The following TRPM3 variants were observed in gnomAD, a reference collection of about 807,000 sequenced individuals.
The protein encoded by TRPM3 is long transient receptor potential channel 3.
A neutral mutation model predicts 181.2 loss-of-function variants in TRPM3; 77 were observed. The ratio of observed to expected loss-of-function variants is 0.42; its 90% CI spans 0.35 to 0.51. TRPM3 has a LOEUF of 0.51. TRPM3 is among the 20% of genes least tolerant of loss of function. The pLI, the probability that TRPM3 is intolerant of heterozygous loss-of-function variation, is 0.01. For synonymous variants in TRPM3, 745 were observed against 796.4 expected (o/e 0.94, Z 1.09); for missense variants, 1,759 against 2,196.7 (o/e 0.80, Z 3.98).
intron 9 of TRPM3, among the ~76,000 whole-genome samples, chr9:70,668,249 C>T (rs1388341660): frequency 6.6e-6 from 1 of 152,122 alleles, no homozygotes; most frequent in Admixed American, 6.5e-5. Flanking sequence ...TAGCATGTGA[C>T]CTTGGCCAAG....
At chr9:70,951,533 G>A (rs1246040100) in intron 1 of TRPM3, among the ~76,000 whole-genome samples, 2 of 152,030 alleles carry the variant, frequency 1.3e-5, no homozygotes, top group East Asian at 1.9e-4. Flanking sequence ...GTAGAGACGC[G>A]GTTTCATCAT....
chr9:70,625,420 A>G lies in TRPM3; in HGVS notation c.1668+62T>C, dbSNP rs2064390007. ...ACTTCACGTATTCTGTAACTAGAGT[A>G]AAAAAAAAATAATGAAAAAAGAAAC... On this transcript the variant is annotated intron_variant, in intron 13 of 25. Coordinates refer to ENST00000677713, the MANE Select transcript of TRPM3 (RefSeq NM_001366145.2). This position sits in a 1 kb window ranked among gnomAD's most constrained non-coding sequence, Gnocchi z 4.8. 3 of 1,099,536 alleles carry G rather than the reference A, an allele frequency of 2.7e-6. No individual in the cohort carries two copies. The highest frequency in any genetic ancestry group is 3.7e-6 in the Non-Finnish European group (3 of 812,146). The allele number at this position is 1,099,536 out of a possible 1,614,324, so 68.1% of individuals were successfully genotyped here. A position where few individuals can be genotyped will look rare whatever the true frequency, so the allele number is the denominator to read the frequency against.
At chr9:70,755,771 G>A (rs1009503615) in intron 8 of TRPM3, among the ~76,000 whole-genome samples, 3 of 152,124 alleles carry the variant, frequency 2.0e-5, no homozygotes, top group African/African-American at 7.2e-5. Context: ...ACAAGCAAAT[G>A]CTGGGAGATT....
intron 1 of TRPM3, among the ~76,000 whole-genome samples, chr9:70,939,269 T>A (rs1195010390): frequency 1.3e-5 from 2 of 152,262 alleles, no homozygotes; most frequent in African/African-American, 4.8e-5. Flanking sequence ...ATTGTCTTTA[T>A]TTATGACAGA....
At chr9:70,846,724 G>T in intron 3 of TRPM3, 133 bp from the exon 4 acceptor site, 2 of 672,496 alleles carry the variant, frequency 3.0e-6, no homozygotes, top group Admixed American at 2.9e-5. Flanking sequence ...TTTTAAAAGG[G>T]GTGATCATTT....
intron 1 of TRPM3, among the ~76,000 whole-genome samples, chr9:70,961,318 C>T (rs1237764032): frequency 6.6e-6 from 1 of 152,092 alleles, no homozygotes; most frequent in Non-Finnish European, 1.5e-5. Context: ...TTGATTTTAA[C>T]CTGTACAACC....
At chr9:70,637,460 C>G (rs559477259) in intron 11 of TRPM3, among the ~76,000 whole-genome samples, 57 of 152,038 alleles carry the variant, frequency 3.7e-4, no homozygotes, top group African/African-American at 1.3e-3. Flanking sequence ...TACCCACCCC[C>G]ACTCCCCAGT....
intron 19 of TRPM3, among the ~76,000 whole-genome samples, chr9:70,607,005 C>A (rs2061278949): frequency 6.6e-6 from 1 of 152,084 alleles, no homozygotes; most frequent in African/African-American, 2.4e-5. Context: ...AGAGCACACA[C>A]TGTGTCCTCT....
rs115166638 is a variant in TRPM3, at chr9:70,685,482, T to G, written c.1273-3904A>C. ...GTGCAATGGCATGAGCATAGCTCAGTATAACCTTGAACTCCCAGGCTCAAG... is the reference window on the plus strand; with the variant it reads ...GTGCAATGGCATGAGCATAGCTCAGGATAACCTTGAACTCCCAGGCTCAAG... On this transcript the variant is annotated intron_variant, in intron 8 of 25. Transcript: ENST00000677713. Among the ~76,000 whole-genome samples, 366 of 152,294 alleles carry G rather than the reference T, an allele frequency of 2.4e-3. 2 individuals carry two copies. The highest frequency in any genetic ancestry group is 8.3e-3 in the African/African-American group (347 of 41,560).
chr9:71,327,937 G>A (rs1358868970), intron 1 of TRPM3, among the ~76,000 whole-genome samples: 3 of 152,030 alleles, frequency 2.0e-5, no homozygotes, highest in Admixed American at 6.6e-5. Context: ...TCCTCCAAGC[G>A]GTCAGTTTGC....
chr9:70,771,354 AT>A (rs1434376674), intron 7 of TRPM3, among the ~76,000 whole-genome samples: 2 of 152,190 alleles, frequency 1.3e-5, no homozygotes, highest in Non-Finnish European at 2.9e-5. Flanking sequence ...GCTGGTAAGC[AT>A]TAGAGCTGGA....
At chr9:70,942,951 C>A (rs1317458071) in intron 1 of TRPM3, among the ~76,000 whole-genome samples, 2 of 152,052 alleles carry the variant, frequency 1.3e-5, no homozygotes, top group Non-Finnish European at 2.9e-5. Flanking sequence ...ACTAATGCAA[C>A]AAGCACCTGG....
chr9:71,429,632 C>T (rs1046837467), intron 1 of TRPM3, among the ~76,000 whole-genome samples: 1 of 152,152 alleles, frequency 6.6e-6, no homozygotes, highest in African/African-American at 2.4e-5. Flanking sequence ...AAACATTTTA[C>T]GGTTCTGTTT....
intron 1 of TRPM3, among the ~76,000 whole-genome samples, chr9:71,149,544 C>T (rs1377357774): frequency 1.3e-5 from 2 of 152,260 alleles, no homozygotes; most frequent in African/African-American, 4.8e-5. Flanking sequence ...AATAGCCTCC[C>T]ACCCTACCAA....
At chr9:70,842,874 A>C in intron 5 of TRPM3, 129 bp downstream of exon 5, 3 of 844,522 alleles carry the variant, frequency 3.6e-6, no homozygotes, top group Non-Finnish European at 3.5e-6. Context: ...ATTCCTTAAC[A>C]TGTTTCATTT....
intron 9 of TRPM3, among the ~76,000 whole-genome samples, chr9:70,671,983 T>A (rs1218906060): frequency 6.6e-6 from 1 of 151,258 alleles, no homozygotes; most frequent in Non-Finnish European, 1.5e-5. Context: ...TTGGCCAGGC[T>A]GGTCTTGAAC....
intron 1 of TRPM3, among the ~76,000 whole-genome samples, chr9:71,138,833 C>T (rs10732700): frequency 0.94 from 143,475 of 152,232 alleles, 67,812 homozygotes; most frequent in South Asian, 0.98. Flanking sequence ...CACATAGTTA[C>T]ATATGTCTCC....
At position 71,019,888 on chromosome 9, in the gene TRPM3, T is replaced by C. The variant is rs539560222; in HGVS notation, c.177+101290A>G. 5.0e-4 allele frequency among the ~76,000 whole-genome samples: 76 copies of C among 152,262 alleles called. 1 individual carries two copies. Among genetic ancestry groups the C allele is most frequent in the African/African-American group, 1.4e-3 (59 of 41,556 alleles). ...GAGGGTTCAGAAATAGACCCACTCA[T>C]ATATGGAAATTTGCTTTATGACTAA... is the stretch of plus-strand genomic sequence containing the variant. On this transcript the variant is annotated intron_variant, in intron 1 of 25. Coordinates refer to ENST00000677713, the MANE Select transcript of TRPM3 (RefSeq NM_001366145.2).
chr9:71,279,649 C>T (rs781478541), intron 1 of TRPM3, among the ~76,000 whole-genome samples: 1 of 152,086 alleles, frequency 6.6e-6, no homozygotes, highest in East Asian at 1.9e-4. Flanking sequence ...GTTCCCCCAG[C>T]CCCCAAGCAG....
Sources: allele counts gnomAD v4.1 joint callset (sites outside exome capture counted in the v4.1 genomes callset), GRCh38; gene constraint gnomAD v4.1.1; non-coding constraint Gnocchi (gnomAD v3.1); transcripts MANE v1.5; gene names NCBI Gene and HGNC (gene_info 2026-07-23, HGNC 2026-07-21).